TMEM35B: variants seen among roughly 807,000 people sequenced by gnomAD.
The protein encoded by TMEM35B is ZMYM6 neighbor protein.
Under a neutral mutation model 8.7 loss-of-function variants are expected in TMEM35B, and 6 were observed. The ratio of observed to expected loss-of-function variants is 0.69; its 90% CI spans 0.38 to 1.36. The LOEUF (loss-of-function observed/expected upper bound fraction) is 1.36. Among genes scored for constraint, TMEM35B ranks in the 40% most tolerant of loss-of-function variants. The pLI is 0.02. For missense variants in TMEM35B, 176 were observed against 181.6 expected (o/e 0.97, Z 0.18); for synonymous variants, 89 against 87.0 (o/e 1.02, Z -0.13).
chr1:34,985,282 C>T lies in TMEM35B; in HGVS notation c.24G>A (p.Leu8=). 2.6e-6 allele frequency: 4 copies of T among 1,541,334 alleles called. No individual in the cohort carries two copies. In the South Asian group the frequency reaches 3.6e-5, roughly 14 times the overall value. Reference sequence around the variant, plus strand: ...CGAAGAAGCCGCCCAGCAGTACACGCAGCACCGAAAGCAGGAGCGCCATGG... The same window carrying T: ...CGAAGAAGCCGCCCAGCAGTACACGTAGCACCGAAAGCAGGAGCGCCATGG... The change falls in exon 1 of 3, where the codon CTG becomes CTA. Residue 8 remains leucine, a synonymous_variant. Transcript: ENST00000373337.
chr1:34,985,177 C>A (rs1326482923), intron 1 of TMEM35B, 21 bp downstream of exon 1: 1 of 1,522,972 alleles, frequency 6.6e-7, no homozygotes, highest in Non-Finnish European at 8.8e-7. Context: ...CGATCCCCTG[C>A]CGCCCGCCCG....
At chr1:34,983,287 A>T (rs930393111) in intron 2 of TMEM35B, among the ~76,000 whole-genome samples, 2 of 152,116 alleles carry the variant, frequency 1.3e-5, no homozygotes, top group African/African-American at 4.8e-5. Flanking sequence ...TTTAAAAAGT[A>T]CCTGTGCTAG....
At chr1:34,984,947 G>A (rs1640549890) in intron 1 of TMEM35B, among the ~76,000 whole-genome samples, 1 of 152,108 alleles carries the variant, frequency 6.6e-6, no homozygotes, top group African/African-American at 2.4e-5. Flanking sequence ...TAAGGCTCTA[G>A]ATTTGCCTGG....
chr1:34,982,591 C>T (rs1192184954), intron 2 of TMEM35B, among the ~76,000 whole-genome samples: 1 of 151,918 alleles, frequency 6.6e-6, no homozygotes, highest in Non-Finnish European at 1.5e-5. Context: ...ATTCTCCTGC[C>T]TCAGCCTCCT....
chr1:34,984,301 T>A (rs1456551202), intron 1 of TMEM35B, among the ~76,000 whole-genome samples: 1 of 152,212 alleles, frequency 6.6e-6, no homozygotes, highest in Non-Finnish European at 1.5e-5. Context: ...TCTGGCCTGG[T>A]TTCTCTTAAG....
chr1:34,984,529 GGA>G (rs769460852), intron 1 of TMEM35B, among the ~76,000 whole-genome samples: 9 of 152,328 alleles, frequency 5.9e-5, no homozygotes, highest in Non-Finnish European at 1.2e-4. Flanking sequence ...TCCAGGCCTT[GGA>G]GAGAGATGCC....
At chr1:34,984,868 GCGGGA>G (rs1279822706) in intron 1 of TMEM35B, among the ~76,000 whole-genome samples, 1 of 152,106 alleles carries the variant, frequency 6.6e-6, no homozygotes, top group African/African-American at 2.4e-5. Flanking sequence ...AGGGAAGAGA[GCGGGA>G]AGTGAGCTCA....
At chr1:34,983,328 T>C (rs896799088) in intron 2 of TMEM35B, among the ~76,000 whole-genome samples, 9 of 151,992 alleles carry the variant, frequency 5.9e-5, no homozygotes, top group Non-Finnish European at 1.0e-4. Flanking sequence ...CCTGTAATCC[T>C]AGCACTTTGG....
chr1:34,981,851 C>T, exon 3 of TMEM35B: 1 of 1,292,770 alleles, frequency 7.7e-7, no homozygotes, highest in Non-Finnish European at 1.0e-6. Context: ...CACTGGCTGA[C>T]CCTGGATATT....
chr1:34,984,117 G>C (rs1640536905), intron 1 of TMEM35B, among the ~76,000 whole-genome samples, 170 bp from the exon 2 acceptor site: 1 of 152,234 alleles, frequency 6.6e-6, no homozygotes, highest in Non-Finnish European at 1.5e-5. Flanking sequence ...GCTGCCCTGT[G>C]GCGCTGAGCT....
At chr1:34,981,993 C>G (rs1314009430) in exon 3 of TMEM35B, 1 of 1,550,362 alleles carries the variant, frequency 6.5e-7, no homozygotes, top group South Asian at 1.2e-5. Flanking sequence ...CCTAGTGGGT[C>G]TGACCACCTT....
intron 2 of TMEM35B, 113 bp from the exon 3 acceptor site, chr1:34,982,232 A>G: frequency 1.2e-6 from 1 of 821,128 alleles, no homozygotes; most frequent in South Asian, 2.0e-5. Context: ...CCCATTAAAC[A>G]CCCCCACCAC....
intron 1 of TMEM35B, 74 bp from the exon 2 acceptor site, chr1:34,984,021 T>A: frequency 7.7e-7 from 1 of 1,306,492 alleles, no homozygotes; most frequent in Non-Finnish European, 1.0e-6. Context: ...CCATGGCATA[T>A]CTATGCCTGT....
intron 1 of TMEM35B, among the ~76,000 whole-genome samples, chr1:34,984,388 C>A (rs1640540861): frequency 6.6e-6 from 1 of 152,190 alleles, no homozygotes; most frequent in Admixed American, 6.5e-5. Flanking sequence ...AAGGCAGGCC[C>A]TCCCCTGAGC....
chr1:34,983,358 C>G (rs1557547903), intron 2 of TMEM35B, among the ~76,000 whole-genome samples: 1 of 152,006 alleles, frequency 6.6e-6, no homozygotes, highest in Non-Finnish European at 1.5e-5. Flanking sequence ...GCGGGCAGAT[C>G]ACGAGTTCAG....
At chr1:34,984,425 G>A (rs1290710782) in intron 1 of TMEM35B, among the ~76,000 whole-genome samples, 1 of 152,242 alleles carries the variant, frequency 6.6e-6, no homozygotes, top group African/African-American at 2.4e-5. Flanking sequence ...CCTTACTTTC[G>A]GGGATACTTT....
chr1:34,983,701 C>T, intron 2 of TMEM35B, 66 bp downstream of exon 2: 1 of 1,320,436 alleles, frequency 7.6e-7, no homozygotes, highest in African/African-American at 1.5e-5. Context: ...TAAGGGGGAA[C>T]AGCCAGGTCT....
At chr1:34,984,003 C>T in intron 1 of TMEM35B, 56 bp from the exon 2 acceptor site, 1 of 1,395,752 alleles carries the variant, frequency 7.2e-7, no homozygotes, top group Non-Finnish European at 9.4e-7. Flanking sequence ...ATGAGCTCCC[C>T]AGATGCTCCA....
At chr1:34,985,311 C>CG (rs1163569499) in exon 1 of TMEM35B, 7 of 1,529,280 alleles carry the variant, frequency 4.6e-6, no homozygotes, top group Middle Eastern at 1.7e-4. Flanking sequence ...GCCATGGCCG[C>CG]GCTCCCCCCA....
Sources: gnomAD v4.1 joint callset for allele counts (sites outside exome capture counted in the v4.1 genomes callset) on GRCh38, gnomAD v4.1.1 for gene constraint, MANE v1.5 for transcripts, NCBI Gene and HGNC (gene_info 2026-07-23, HGNC 2026-07-21) for gene names.